Variants in SNRNP200 observed in about 807,000 individuals in gnomAD.
SNRNP200 encodes the protein U5 small nuclear ribonucleoprotein 200 kDa helicase.
In SNRNP200, 66 loss-of-function variants were observed where a neutral mutation model predicts 255.2. The ratio of observed to expected loss-of-function variants is 0.26; its 90% CI spans 0.21 to 0.32. The LOEUF (loss-of-function observed/expected upper bound fraction) is 0.32, where lower values mean the gene tolerates loss of function less well. Ranked by LOEUF, SNRNP200 falls within the 10% of genes least tolerant of loss-of-function variation. The pLI is 1.00. For missense variants in SNRNP200, 1,585 were observed against 2,749.8 expected (o/e 0.58, Z 9.47); for synonymous variants, 939 against 1,027.8 (o/e 0.91, Z 1.65).
intron 43 of SNRNP200, 71 bp from the exon 44 acceptor site, chr2:96,275,420 C>A: frequency 7.8e-7 from 1 of 1,288,750 alleles, no homozygotes; most frequent in Non-Finnish European, 1.1e-6. Flanking sequence ...GAAAATGGTA[C>A]AGTTACAAAA....
chr2:96,285,690 C>A (rs1054319946), intron 29 of SNRNP200, among the ~76,000 whole-genome samples: 1 of 152,222 alleles, frequency 6.6e-6, no homozygotes, highest in African/African-American at 2.4e-5. Context: ...CCTTTCTCTG[C>A]CCCTTCAACA....
In SNRNP200 at chr2:96,283,572, T is replaced by C; in HGVS notation, c.4726A>G (p.Ile1576Val). The C allele has an allele frequency of 1.9e-6, 3 of 1,614,064 alleles. No homozygotes were observed. The highest frequency in any genetic ancestry group is 1.7e-6 in the Non-Finnish European group (2 of 1,180,028). Residue 1576 changes from isoleucine (I) to valine (V), a missense_variant, in exon 33 of 45, where the codon ATC becomes GTC. Coordinates refer to ENST00000323853, the MANE Select transcript of SNRNP200 (RefSeq NM_014014.5). This position sits in a 1 kb window ranked among gnomAD's most constrained non-coding sequence, Gnocchi z 4.7. ...ATGTCTGCTGCACAGGTGGTGAGGA[T>C]GTCAATGGCAGTGAGGCGGGTCTGC... ...RKQTRLTAID[I>V]LTTCAADIQR... is the part of the protein sequence containing the mutation.
Position 96,289,060 on chromosome 2 carries a change from T to C in SNRNP200, c.3151A>G (p.Ser1051Gly). 6.2e-7 allele frequency: 1 copy of C among 1,612,686 alleles called. No individual in the cohort carries two copies. Among genetic ancestry groups the C allele is most frequent in the Non-Finnish European group, 8.5e-7 (1 of 1,179,460 alleles). The change falls in exon 23 of 45, where the codon AGC becomes GGC. Residue 1051 changes from serine to glycine, a missense_variant. Coordinates refer to ENST00000323853, the MANE Select transcript of SNRNP200 (RefSeq NM_014014.5). ...LERVPIPVKE[S>G]IEEPSAKINV... ...ACCTTAGCACTGGGTTCCTCAATGC[T>C]CTCCTTTACAGGGATAGGCACCCTC...
At chr2:96,303,131 A>C (rs748373960) in intron 3 of SNRNP200, 28 bp downstream of exon 3, 2 of 1,607,026 alleles carry the variant, frequency 1.2e-6, no homozygotes, top group Non-Finnish European at 1.7e-6. Flanking sequence ...ATAAAGACCT[A>C]ATATATATTT....
At chr2:96,305,118 C>T (rs2063979222) in intron 1 of SNRNP200, among the ~76,000 whole-genome samples, 1 of 152,168 alleles carries the variant, frequency 6.6e-6, no homozygotes, top group Admixed American at 6.5e-5. Flanking sequence ...TAACCCACAC[C>T]TGTGAAAAGT....
chr2:96,304,678 A>T, intron 2 of SNRNP200, 27 bp downstream of exon 2: 1 of 1,613,804 alleles, frequency 6.2e-7, no homozygotes. Flanking sequence ...GATCTGAAGG[A>T]AAAAATAGTA....
intron 23 of SNRNP200, 120 bp downstream of exon 23, chr2:96,288,917 A>G: frequency 1.8e-6 from 2 of 1,107,938 alleles, no homozygotes; most frequent in Non-Finnish European, 2.7e-6. Flanking sequence ...GAAGGCTGCA[A>G]AAACTAGGAG....
chr2:96,305,179 G>GA (rs2063979759), intron 1 of SNRNP200, among the ~76,000 whole-genome samples: 1 of 152,090 alleles, frequency 6.6e-6, no homozygotes, highest in Non-Finnish European at 1.5e-5. Context: ...TAGCGTTGAA[G>GA]GTACTCGAGA....
chr2:96,288,563 C>G, intron 24 of SNRNP200, 100 bp downstream of exon 24: 1 of 1,028,400 alleles, frequency 9.7e-7, no homozygotes, highest in Non-Finnish European at 1.5e-6. Flanking sequence ...CTCCTCCCAT[C>G]TCACTAGGGT....
chr2:96,286,257 C>T lies in SNRNP200; in HGVS notation c.4003+54G>A. 1.3e-6 allele frequency: 2 copies of T among 1,580,098 alleles called. No homozygotes were observed. The highest frequency in any genetic ancestry group is 1.7e-6 in the Non-Finnish European group (2 of 1,149,846). ...CCACTCCCCTGCCTGCCACAGAGCA[C>T]ATCTGTCTCCCGGTGACTTCAAAAG... On this transcript the variant is annotated intron_variant, in intron 29 of 44. Coordinates refer to ENST00000323853, the MANE Select transcript of SNRNP200 (RefSeq NM_014014.5). The surrounding 1 kb of genome is among the most constrained non-coding windows in gnomAD (Gnocchi z 4.8).
At chr2:96,294,329 T>C (rs1217858832) in intron 14 of SNRNP200, among the ~76,000 whole-genome samples, 5 of 151,818 alleles carry the variant, frequency 3.3e-5, no homozygotes, top group African/African-American at 9.7e-5. Context: ...TCCCAGCTAC[T>C]CGGGAGACTG....
chr2:96,285,260 ACT>A lies in SNRNP200; in HGVS notation c.4082_4083del (p.Glu1361ValfsTer69). ...PTGSGKTICAEFAILRMLLQS... is the reference protein window; with the variant it reads ...PTGSGKTICAXFAILRMLLQS... ...TGCAGCAGCATTCGCAGGATGGCAA[ACT>A]CTGCACAAATAGTCTTCCCGCTGCC... On this transcript the variant is annotated frameshift_variant, in exon 30 of 45. Coordinates refer to ENST00000323853, the MANE Select transcript of SNRNP200 (RefSeq NM_014014.5). LOFTEE classifies it high-confidence loss of function. 2 of 1,614,172 alleles carry A rather than the reference ACT, an allele frequency of 1.2e-6. No homozygotes were observed. The highest frequency in any genetic ancestry group is 1.7e-6 in the Non-Finnish European group (2 of 1,180,030).
At chr2:96,285,444 T>G in intron 29 of SNRNP200, 104 bp from the exon 30 acceptor site, 3 of 1,278,622 alleles carry the variant, frequency 2.3e-6, no homozygotes, top group Non-Finnish European at 3.4e-6. Flanking sequence ...CGAAATGAAG[T>G]CAGGCAGTTC....
chr2:96,302,272 C>G (rs1437458594), intron 3 of SNRNP200, among the ~76,000 whole-genome samples: 1 of 152,130 alleles, frequency 6.6e-6, no homozygotes, highest in Non-Finnish European at 1.5e-5. Context: ...TGGGGGAAGA[C>G]ACGTGCTGTT....
Position 96,297,460 on chromosome 2 carries a change from C to G in SNRNP200, c.1280G>C (p.Arg427Pro). Residue 427 changes from arginine to proline, a missense_variant, in exon 11 of 45, where the codon CGC becomes CCC. By Grantham distance (103) the Arg-to-Pro change is moderately radical. Around this residue, in one of 9 missense-constraint regions of SNRNP200, gnomAD observed 383 missense variants for 645.3 expected, o/e 0.59. Coordinates refer to ENST00000323853, the MANE Select transcript of SNRNP200 (RefSeq NM_014014.5). ...TQGSHFMANK[R>P]CQLPDGSFRR... ...GAAGGATCCATCAGGAAGCTGACAG[C>G]GTTTATTGGCCATAAAGTGGCTCCC... 1.2e-6 allele frequency: 2 copies of G among 1,614,148 alleles called. No individual in the cohort carries two copies. Among genetic ancestry groups the G allele is most frequent in the Non-Finnish European group, 1.7e-6 (2 of 1,180,028 alleles).
intron 1 of SNRNP200, 68 bp from the exon 2 acceptor site, chr2:96,304,936 C>A: frequency 6.4e-7 from 1 of 1,554,048 alleles, no homozygotes; most frequent in East Asian, 2.3e-5. Flanking sequence ...CATAGTTACC[C>A]CAGCTGATGG....
At position 96,274,744 on chromosome 2, in the gene SNRNP200, T is replaced by G. The variant is rs1271976820; in HGVS notation, c.*268A>C. On this transcript the variant is annotated 3_prime_UTR_variant, in exon 45 of 45. Coordinates refer to ENST00000323853, the MANE Select transcript of SNRNP200 (RefSeq NM_014014.5). ...TACAAAGACAAATGGTTTCTACAAA[T>G]TATTTTATTAGAATGTCAGACTCAA... is the stretch of plus-strand genomic sequence containing the variant. 1 of 510,922 alleles carries G rather than the reference T, an allele frequency of 2.0e-6. No homozygotes were observed. Among genetic ancestry groups the G allele is most frequent in the Non-Finnish European group, 3.6e-6 (1 of 281,484 alleles). 31.6% of individuals were successfully genotyped at this position (510,922 alleles called of 1,614,324 possible). A position where few individuals can be genotyped will look rare whatever the true frequency, so the allele number is the denominator to read the frequency against.
chr2:96,291,955 C>T lies in SNRNP200; in HGVS notation c.2161-55G>A. Reference sequence around the variant, plus strand: ...ACGAGATACTCACAGCCCCAGGGCACCTGCAGCAGGAAGCAGAAGTTGCAC... The same window carrying T: ...ACGAGATACTCACAGCCCCAGGGCATCTGCAGCAGGAAGCAGAAGTTGCAC... On this transcript the variant is annotated intron_variant, in intron 16 of 44. Coordinates refer to ENST00000323853, the MANE Select transcript of SNRNP200 (RefSeq NM_014014.5). This position sits in a 1 kb window ranked among gnomAD's most constrained non-coding sequence, Gnocchi z 4.2. 6.3e-7 allele frequency: 1 copy of T among 1,598,690 alleles called. No individual in the cohort carries two copies. Among genetic ancestry groups the T allele is most frequent in the Non-Finnish European group, 8.5e-7 (1 of 1,172,022 alleles).
Position 96,274,984 on chromosome 2 carries a change from C to T in SNRNP200, c.*28G>A, listed in dbSNP as rs760912381. The T allele has an allele frequency of 2.5e-6, 4 of 1,612,732 alleles. No individual in the cohort carries two copies. The Admixed American group carries it at 6.7e-5, about 27-fold the overall frequency. On this transcript the variant is annotated 3_prime_UTR_variant, in exon 45 of 45. Coordinates refer to ENST00000323853, the MANE Select transcript of SNRNP200 (RefSeq NM_014014.5). ...CATTCCTAATTCAGGCTCAACTCTC[C>T]TTTACCCAAAAGTAAATGCCTCAGG...
Sources: gnomAD v4.1 joint callset for allele counts (sites outside exome capture counted in the v4.1 genomes callset) on GRCh38, gnomAD v4.1.1 for gene constraint, gnomAD v4.1.1 regional missense constraint, Gnocchi (gnomAD v3.1) non-coding constraint, MANE v1.5 for transcripts, NCBI Gene and HGNC (gene_info 2026-07-23, HGNC 2026-07-21) for gene names.